The following HK3 variants were observed in gnomAD, a reference collection of about 807,000 sequenced individuals.
HK3 encodes the protein hexokinase 3, also known as hexokinase-3.
HK3 carries 93 observed loss-of-function variants against 91.0 expected under a neutral mutation model. The ratio of observed to expected loss-of-function variants is 1.02; its 90% CI spans 0.86 to 1.21. The LOEUF is 1.21. Among genes scored for constraint, HK3 ranks in the 50% most tolerant of loss-of-function variants. HK3 has a pLI of 0.00. For synonymous variants in HK3, 519 were observed against 516.9 expected (o/e 1.00, Z -0.06); for missense variants, 1,235 against 1,247.4 (o/e 0.99, Z 0.15).
Position 176,887,269 on chromosome 5 carries a change from T to TGGTCAC in HK3, c.1663_1668dup (p.Val555_Thr556dup), listed in dbSNP as rs1211238260. On this transcript the variant is annotated inframe_insertion, in exon 12 of 19. Coordinates refer to ENST00000292432, the MANE Select transcript of HK3 (RefSeq NM_002115.3). The surrounding 1 kb of genome is among the most constrained non-coding windows in gnomAD (Gnocchi z 4.9). ...ATCTCGCTGGTGATCTGCACGCCTG[T>TGGTCAC]GGTCACACGTACCAGGAGGACACGG... is the stretch of plus-strand genomic sequence containing the variant. 2 of 1,598,088 alleles carry TGGTCAC rather than the reference T, an allele frequency of 1.3e-6. No individual in the cohort carries two copies. The highest frequency in any genetic ancestry group is 8.5e-7 in the Non-Finnish European group (1 of 1,173,246).
intron 8 of HK3, 31 bp from the exon 9 acceptor site, chr5:176,888,895 C>A: frequency 6.2e-7 from 1 of 1,604,236 alleles, no homozygotes; most frequent in Non-Finnish European, 8.5e-7. Flanking sequence ...TGGAGGAAGC[C>A]TTTTCTAAGC....
intron 15 of HK3, among the ~76,000 whole-genome samples, chr5:176,882,379 G>C (rs1036660004): frequency 1.3e-5 from 2 of 152,132 alleles, no homozygotes; most frequent in African/African-American, 2.4e-5. Context: ...CCACCCCCAA[G>C]TGCTCCTACA....
At position 176,888,632 on chromosome 5, in the gene HK3, GCTACCTTGGGAACAGAGTATCATCCCCTT is replaced by G. The variant is rs972262580; in HGVS notation, c.1070+48_1071-68del. On this transcript the variant is annotated intron_variant, in intron 9 of 18. Coordinates refer to ENST00000292432, the MANE Select transcript of HK3 (RefSeq NM_002115.3). ...CTCCCCATCCCACTAAAGCCCCATG[GCTACCTTGGGAACAGAGTATCATCCCCTT>G]CCTCCAAGCCAAGAATCCCCCACTA... 3.0e-5 allele frequency: 48 copies of G among 1,610,548 alleles called. No homozygotes were observed. In the African/African-American group the frequency reaches 6.1e-4, roughly 21 times the overall value.
In HK3 at chr5:176,891,339, C is replaced by T. The variant is rs757511316; in HGVS notation, c.259+49G>A. ...TAAGGAACGTTTCCCTCCCCTAGATCAGTACCCTCTTCCAGGCCTGGCCAC... is the reference window on the plus strand; with the variant it reads ...TAAGGAACGTTTCCCTCCCCTAGATTAGTACCCTCTTCCAGGCCTGGCCAC... On this transcript the variant is annotated intron_variant, in intron 3 of 18. Transcript: ENST00000292432. The T allele has an allele frequency of 3.7e-6, 6 of 1,607,886 alleles. No individual in the cohort carries two copies. The Admixed American group carries it at 5.0e-5, about 13-fold the overall frequency.
intron 1 of HK3, among the ~76,000 whole-genome samples, chr5:176,896,704 C>CTAAG (rs1258769877): frequency 6.6e-6 from 1 of 152,176 alleles, no homozygotes; most frequent in Non-Finnish European, 1.5e-5. Flanking sequence ...TTGTGCCAGG[C>CTAAG]TAAGGCACAT....
Position 176,887,763 on chromosome 5 carries a change from G to A in HK3, c.1305-17C>T. The A allele has an allele frequency of 6.3e-7, 1 of 1,587,366 alleles. No homozygotes were observed. The highest frequency in any genetic ancestry group is 8.6e-7 in the Non-Finnish European group (1 of 1,162,852). On this transcript the variant is annotated splice_polypyrimidine_tract_variant and intron_variant, in intron 10 of 18. Coordinates refer to ENST00000292432, the MANE Select transcript of HK3 (RefSeq NM_002115.3). The surrounding 1 kb of genome is among the most constrained non-coding windows in gnomAD (Gnocchi z 4.9). ...CTGCAGAACCTACAGATACATACAG[G>A]TGCACCCGGCTTGGCCCTGGACCCC...
chr5:176,891,383 C>A lies in HK3; in HGVS notation c.259+5G>T. Reference sequence around the variant, plus strand: ...TGGCCACGCATCTCAATCTATGATACCCACCAGTGCCATGTGGGGTGGACC... The same window carrying A: ...TGGCCACGCATCTCAATCTATGATAACCACCAGTGCCATGTGGGGTGGACC... On this transcript the variant is annotated splice_donor_5th_base_variant and intron_variant, in intron 3 of 18. Coordinates refer to ENST00000292432, the MANE Select transcript of HK3 (RefSeq NM_002115.3). 6.2e-7 allele frequency: 1 copy of A among 1,611,942 alleles called. No homozygotes were observed. Among genetic ancestry groups the A allele is most frequent in the South Asian group, 1.1e-5 (1 of 90,798 alleles).
intron 15 of HK3, 63 bp from the exon 16 acceptor site, chr5:176,882,190 T>C (rs1411249601): frequency 6.4e-7 from 1 of 1,557,250 alleles, no homozygotes; most frequent in Non-Finnish European, 8.8e-7. Context: ...CTCTGAGCAC[T>C]TCCCATACCG....
At position 176,881,438 on chromosome 5, in the gene HK3, C is replaced by G; in HGVS notation, c.2491G>C (p.Ala831Pro). 1.2e-6 allele frequency: 2 copies of G among 1,611,176 alleles called. No homozygotes were observed. Among genetic ancestry groups the G allele is most frequent in the Non-Finnish European group, 1.7e-6 (2 of 1,180,016 alleles). The part of the protein sequence containing the change: ...DALMVLEVCQ[A>P]VSQRAAQLCG... ...AGCTGGGCAGCCCTCTGGGACACAG[C>G]CTGGCACACCTCTAGCACCATCAGG... Residue 831 changes from alanine to proline, a missense_variant, in exon 18 of 19, where the codon GCT becomes CCT. Coordinates refer to ENST00000292432, the MANE Select transcript of HK3 (RefSeq NM_002115.3).
At position 176,889,388 on chromosome 5, in the gene HK3, C is replaced by A. The variant is rs1236409006; in HGVS notation, c.907G>T (p.Ala303Ser). ...TLDHESLNPG[A>S]QRFEKMIGGL... is the part of the protein sequence containing the mutation. ...GGCCCCCTGCCAGGTCACCTCTGAGCACCAGGATTCAGGGACTCATGGTCC... is the reference window on the plus strand; with the variant it reads ...GGCCCCCTGCCAGGTCACCTCTGAGAACCAGGATTCAGGGACTCATGGTCC... The change falls in exon 8 of 19, where the codon GCT (alanine) becomes TCT (serine). Residue 303 changes from alanine (A) to serine (S), a missense_variant. Physicochemically the swap from Ala to Ser is moderately conservative, Grantham distance 99. This residue lies in a region of HK3 where 717 missense variants were observed against 751.6 expected (regional missense o/e 0.95). Transcript: ENST00000292432. 12 of 1,613,620 alleles carry A rather than the reference C, an allele frequency of 7.4e-6. No individual in the cohort carries two copies. Among genetic ancestry groups the A allele is most frequent in the Middle Eastern group, 1.6e-4 (1 of 6,084 alleles).
At chr5:176,896,926 A>C (rs529245014) in intron 1 of HK3, among the ~76,000 whole-genome samples, 1 of 146,018 alleles carries the variant, frequency 6.8e-6, no homozygotes, top group Non-Finnish European at 1.5e-5. Flanking sequence ...TATGAGATGT[A>C]GTGTGCAACA....
At chr5:176,882,267 C>A in intron 15 of HK3, 140 bp from the exon 16 acceptor site, 1 of 892,170 alleles carries the variant, frequency 1.1e-6, no homozygotes, top group Non-Finnish European at 1.7e-6. Context: ...GGTCCTGGTC[C>A]TTCTTCCTTC....
Position 176,891,108 on chromosome 5 carries a change from C to G in HK3, c.343G>C (p.Gly115Arg). ...VLWVTLTGIEGHRVEPRSQEF... is the reference protein window; with the variant it reads ...VLWVTLTGIERHRVEPRSQEF... ...TGGCTTCTGGGCTCCACCCTATGCC[C>G]CTCAATGCCAGTTAGAGTCACCCAC... Residue 115 changes from glycine to arginine, a missense_variant, in exon 4 of 19, where the codon GGG (glycine) becomes CGG (arginine). Gly to Arg is a moderately radical substitution (Grantham distance 125, BLOSUM62 -2). Coordinates refer to ENST00000292432, the MANE Select transcript of HK3 (RefSeq NM_002115.3). The G allele has an allele frequency of 6.2e-7, 1 of 1,614,132 alleles. No homozygotes were observed. The highest frequency in any genetic ancestry group is 8.5e-7 in the Non-Finnish European group (1 of 1,180,042).
chr5:176,891,684 C>A, intron 2 of HK3, 134 bp from the exon 3 acceptor site: 1 of 841,442 alleles, frequency 1.2e-6, no homozygotes, highest in Non-Finnish European at 1.8e-6. Context: ...CTCTTGCCAA[C>A]AGCCTGCACC....
intron 1 of HK3, among the ~76,000 whole-genome samples, chr5:176,898,978 A>C (rs1292827707): frequency 6.6e-6 from 1 of 152,160 alleles, no homozygotes; most frequent in Non-Finnish European, 1.5e-5. Flanking sequence ...AGAAAAAAAT[A>C]ACAAAAATTA....
At chr5:176,897,286 C>T (rs1758930865) in intron 1 of HK3, among the ~76,000 whole-genome samples, 1 of 152,196 alleles carries the variant, frequency 6.6e-6, no homozygotes, top group South Asian at 2.1e-4. Context: ...AGATACTTCG[C>T]TCATCCGAGC....
In HK3 at chr5:176,896,118, T is replaced by C. The variant is rs994725522; in HGVS notation, c.42A>G (p.Glu14=). The change falls in exon 2 of 19, where the codon GAA becomes GAG. Residue 14 remains glutamate (E), a synonymous_variant. Transcript: ENST00000292432. ...AGCCCTCCTCAGAGCAACTCAGGGT[T>C]TCTTCCCCCTGCCGCAACCCTGAAG... ...IGSSGLRQGE[E]TLSCSEEGLP... 6.2e-7 allele frequency: 1 copy of C among 1,612,750 alleles called. No individual in the cohort carries two copies. Among genetic ancestry groups the C allele is most frequent in the African/African-American group, 1.3e-5 (1 of 74,860 alleles).
At chr5:176,896,042 A>C in intron 2 of HK3, 22 bp downstream of exon 2, 1 of 1,600,366 alleles carries the variant, frequency 6.2e-7, no homozygotes, top group Non-Finnish European at 8.6e-7. Context: ...AGCATGAAAC[A>C]GGAACCCAGT....
At position 176,890,849 on chromosome 5, in the gene HK3, G is replaced by T; in HGVS notation, c.507C>A (p.Phe169Leu). Reference protein sequence around the residue: ...QGLQLGFSFSFPCHQTGLDRS... With the variant: ...QGLQLGFSFSLPCHQTGLDRS... ...TGTCCAAGCCCGTCTGGTGACAAGGGAAAGAGAAGCTGAAGCCAAGCTGCA... is the reference window on the plus strand; with the variant it reads ...TGTCCAAGCCCGTCTGGTGACAAGGTAAAGAGAAGCTGAAGCCAAGCTGCA... The change falls in exon 5 of 19, where the codon TTC (phenylalanine) becomes TTA (leucine). Residue 169 changes from phenylalanine to leucine, a missense_variant. By Grantham distance (22) the Phe-to-Leu change is conservative. Coordinates refer to ENST00000292432, the MANE Select transcript of HK3 (RefSeq NM_002115.3). 1.2e-6 allele frequency: 2 copies of T among 1,614,154 alleles called. No individual in the cohort carries two copies. The highest frequency in any genetic ancestry group is 1.7e-6 in the Non-Finnish European group (2 of 1,180,036).
Sources: gnomAD v4.1 joint callset for allele counts (sites outside exome capture counted in the v4.1 genomes callset) on GRCh38, gnomAD v4.1.1 for gene constraint, gnomAD v4.1.1 regional missense constraint, Gnocchi (gnomAD v3.1) non-coding constraint, MANE v1.5 for transcripts, NCBI Gene and HGNC (gene_info 2026-07-23, HGNC 2026-07-21) for gene names.